The following ANXA8 variants were observed in gnomAD, a reference collection of about 807,000 sequenced individuals.
ANXA8 encodes the protein annexin A8.
In ANXA8, 9 loss-of-function variants were observed where a neutral mutation model predicts 26.8. The observed-to-expected ratio is 0.34, with a 90% CI of 0.20 to 0.59. The LOEUF (loss-of-function observed/expected upper bound fraction) is 0.59. ANXA8 is among the 20% of genes least tolerant of loss of function. The pLI is 0.84. For synonymous variants in ANXA8, 39 were observed against 94.8 expected, an observed-to-expected ratio of 0.41 and a Z score of 3.42; for missense variants, 83 against 238.5, an observed-to-expected ratio of 0.35 and a Z score of 4.29.
At chr10:47,638,777 A>C in the ANXA8 span, among the ~76,000 whole-genome samples, 1 of 106,140 alleles carries the variant, frequency 9.4e-6, no homozygotes, top group African/African-American at 4.9e-5. Context: ...TCATTTTTAA[A>C]AACCTGCAAA....
At chr10:47,907,226 G>A in the ANXA8 span, among the ~76,000 whole-genome samples, 2 of 151,848 alleles carry the variant, frequency 1.3e-5, no homozygotes, top group Admixed American at 6.6e-5. Flanking sequence ...GCGTGGTGGC[G>A]GGTGCTTGTA....
the ANXA8 span, among the ~76,000 whole-genome samples, chr10:47,501,154 G>A: frequency 4.3e-5 from 6 of 140,592 alleles, no homozygotes; most frequent in African/African-American, 1.1e-4. Context: ...CGCCTGCCTC[G>A]GCCTCCCAAA....
chr10:47,967,792 T>A, the ANXA8 span, among the ~76,000 whole-genome samples: 390 of 119,576 alleles, frequency 3.3e-3, 1 homozygote, highest in African/African-American at 0.01. Flanking sequence ...CCCAAGCAGG[T>A]TGTATATAAA....
chr10:47,535,778 C>T, the ANXA8 span, among the ~76,000 whole-genome samples: 2 of 46,192 alleles, frequency 4.3e-5, no homozygotes, highest in Admixed American at 5.1e-4. Flanking sequence ...TACATGAAAA[C>T]GGTACATCAT....
At chr10:47,733,202 TTTC>T in the ANXA8 span, among the ~76,000 whole-genome samples, 1,812 of 99,394 alleles carry the variant, frequency 0.018, no homozygotes, top group East Asian at 0.034. Context: ...TCTTTCTTTC[TTTC>T]TTTCTTTCTT....
chr10:47,769,855 T>G, the ANXA8 span, among the ~76,000 whole-genome samples: 1 of 152,204 alleles, frequency 6.6e-6, no homozygotes, highest in Non-Finnish European at 1.5e-5. Context: ...AAGGAATTCC[T>G]GAGACTGGGT....
the ANXA8 span, among the ~76,000 whole-genome samples, chr10:47,967,214 A>G: frequency 6.6e-6 from 1 of 150,458 alleles, no homozygotes; most frequent in African/African-American, 2.4e-5. Flanking sequence ...CACTCTCCAG[A>G]GGCAACTTCT....
chr10:47,727,414 G>A, the ANXA8 span, among the ~76,000 whole-genome samples: 1 of 152,200 alleles, frequency 6.6e-6, no homozygotes, highest in Admixed American at 6.5e-5. Flanking sequence ...GATCCTCTAA[G>A]CTGATGAGCT....
chr10:47,982,493 A>G, the ANXA8 span, among the ~76,000 whole-genome samples: 2 of 145,226 alleles, frequency 1.4e-5, no homozygotes, highest in Non-Finnish European at 3.1e-5. Context: ...TTAACAAATG[A>G]TGCTGGGACA....
chr10:47,947,027 G>A, the ANXA8 span, among the ~76,000 whole-genome samples: 2 of 149,210 alleles, frequency 1.3e-5, no homozygotes, highest in Admixed American at 1.3e-4. Flanking sequence ...GACATTTCAT[G>A]TAAAAATTGT....
At chr10:47,481,585 C>T (rs3006272) in intron 1 of ANXA8, among the ~76,000 whole-genome samples, 4,982 of 104,798 alleles carry the variant, frequency 0.048, 2 homozygotes, top group Middle Eastern at 0.11. Flanking sequence ...GGTGCACCAG[C>T]GAGTGGCCAG....
At chr10:47,581,980 A>G in the ANXA8 span, among the ~76,000 whole-genome samples, 2 of 150,104 alleles carry the variant, frequency 1.3e-5, no homozygotes, top group African/African-American at 2.5e-5. Context: ...AAGAGTAACC[A>G]TGGCCAGGGA....
intron 11 of ANXA8, among the ~76,000 whole-genome samples, chr10:47,470,352 G>A (rs1283414819): frequency 7.6e-4 from 111 of 146,670 alleles, no homozygotes; most frequent in Middle Eastern, 3.5e-3. Flanking sequence ...CTCTGATGCC[G>A]TAAGTTACCA....
At chr10:47,750,988 G>A in the ANXA8 span, 3 of 143,650 alleles carry the variant, frequency 2.1e-5, no homozygotes, top group Non-Finnish European at 3.0e-5. Flanking sequence ...AAGGTGCAGA[G>A]TAAGTATTTG....
At chr10:47,548,463 G>A in the ANXA8 span, among the ~76,000 whole-genome samples, 1,656 of 151,700 alleles carry the variant, frequency 0.011, no homozygotes, top group African/African-American at 0.037. Context: ...CACCTCACCC[G>A]TCTAATTTTG....
At chr10:47,968,175 G>T in the ANXA8 span, among the ~76,000 whole-genome samples, 1 of 149,066 alleles carries the variant, frequency 6.7e-6, no homozygotes, top group East Asian at 2.0e-4. Flanking sequence ...TCACAAATCT[G>T]TCGTAACCTG....
chr10:47,621,938 A>G, the ANXA8 span, among the ~76,000 whole-genome samples: 1 of 101,754 alleles, frequency 9.8e-6, no homozygotes, highest in Non-Finnish European at 2.1e-5. Context: ...TTCTTTTTAA[A>G]ACTAATTCAG....
At chr10:47,509,122 GA>G in the ANXA8 span, among the ~76,000 whole-genome samples, 2 of 136,300 alleles carry the variant, frequency 1.5e-5, no homozygotes, top group African/African-American at 6.0e-5. Context: ...GAATAATGAG[GA>G]AAAAAGCACA....
At chr10:47,763,360 G>C in the ANXA8 span, 3 of 985,500 alleles carry the variant, frequency 3.0e-6, no homozygotes, top group Non-Finnish European at 3.6e-6. Context: ...CCTGCGATTT[G>C]GGACAACTTA....
Sources: allele counts gnomAD v4.1 joint callset (sites outside exome capture counted in the v4.1 genomes callset), GRCh38; gene constraint gnomAD v4.1.1; transcripts MANE v1.5; gene names NCBI Gene and HGNC (gene_info 2026-07-23, HGNC 2026-07-21).